The following MYNN variants were observed in gnomAD, a reference collection of about 807,000 sequenced individuals.
MYNN encodes the protein zinc finger and BTB domain-containing protein 31.
MYNN carries 22 observed loss-of-function variants against 57.2 expected under a neutral mutation model. The ratio of observed to expected loss-of-function variants is 0.38; its 90% confidence interval spans 0.27 to 0.55. The LOEUF is 0.55. MYNN is among the 20% of genes least tolerant of loss of function. MYNN has a pLI of 0.71. For synonymous variants in MYNN, 241 were observed against 257.1 expected, an observed-to-expected ratio of 0.94 and a Z score of 0.60; for missense variants, 566 against 723.1, an observed-to-expected ratio of 0.78 and a Z score of 2.49.
At position 169,778,748 on chromosome 3, in the gene MYNN, G is replaced by A; in HGVS notation, c.267-20G>A. On this transcript the variant is annotated intron_variant, in intron 2 of 7. Transcript: ENST00000349841. ...TTTTCTTTGATCAGAATATTGTCAT[G>A]TAGCCTTGTTTCCTTGCAGTTGGAA... The A allele has an allele frequency of 1.3e-6, 2 of 1,562,750 alleles. No homozygotes were observed.
chr3:169,783,540 A>C lies in MYNN; in HGVS notation c.1463A>C (p.Lys488Thr). ...TTTATTTCCTCAGGAGAGCTCAACA[A>C]ACACTTTCGGTCCCATACAGGTCTG... ...KSFISSGELN[K>T]HFRSHTGERP... is the part of the protein sequence containing the mutation. Residue 488 changes from lysine to threonine, a missense_variant, in exon 6 of 8, where the codon AAA becomes ACA. Coordinates refer to ENST00000349841, the MANE Select transcript of MYNN (RefSeq NM_018657.5). 6.2e-7 allele frequency: 1 copy of C among 1,611,146 alleles called. No homozygotes were observed. Among genetic ancestry groups the C allele is most frequent in the East Asian group, 2.2e-5 (1 of 44,706 alleles).
At position 169,788,828 on chromosome 3, in the gene MYNN, A is replaced by G. The variant is rs1778744305; in HGVS notation, c.*2150A>G. 6.6e-6 allele frequency: 1 copy of G among 152,168 alleles called. No homozygotes were observed. The highest frequency in any genetic ancestry group is 1.5e-5 in the Non-Finnish European group (1 of 68,016). 9.4% of individuals were successfully genotyped at this position (152,168 alleles called of 1,614,324 possible). On this transcript the variant is annotated 3_prime_UTR_variant, in exon 8 of 8. Transcript: ENST00000349841. ...TGATGTGTAGAGAAAACTTGAAGAT[A>G]CTATCCCTTCTTTGGCATTCTTCTC...
chr3:169,778,882 A>G lies in MYNN; in HGVS notation c.381A>G (p.Thr127=), dbSNP rs200829478. 4 of 1,613,394 alleles carry G rather than the reference A, an allele frequency of 2.5e-6. No individual in the cohort carries two copies. In the East Asian group the frequency reaches 8.9e-5, roughly 36 times the overall value. Reference sequence around the variant, plus strand: ...CTTTTATTGCTAATCCTTCTTCTACAGAGATATCTAGTATTACTGGAAACA... The same window carrying G: ...CTTTTATTGCTAATCCTTCTTCTACGGAGATATCTAGTATTACTGGAAACA... ...DFAFIANPSS[T]EISSITGNIE... is the part of the protein sequence containing the mutation. The change falls in exon 3 of 8, where the codon ACA becomes ACG. Residue 127 remains threonine (T), a synonymous_variant. Coordinates refer to ENST00000349841, the MANE Select transcript of MYNN (RefSeq NM_018657.5).
At chr3:169,781,963 G>A (rs1207758987) in intron 4 of MYNN, among the ~76,000 whole-genome samples, 2 of 152,086 alleles carry the variant, frequency 1.3e-5, no homozygotes, top group African/African-American at 2.4e-5. Context: ...TAATCCAATG[G>A]AGTGAGAAAC....
chr3:169,779,287 A>G lies in MYNN; in HGVS notation c.786A>G (p.Lys262=). The G allele has an allele frequency of 1.2e-6, 2 of 1,614,180 alleles. No homozygotes were observed. The highest frequency in any genetic ancestry group is 1.7e-6 in the Non-Finnish European group (2 of 1,180,034). The change falls in exon 3 of 8, where the codon AAA becomes AAG. Residue 262 remains lysine, a synonymous_variant. Transcript: ENST00000349841. ...HTVTVKRKRG[K]SQPNCALKEH... is the part of the protein sequence containing the mutation. ...TTACAGTGAAACGGAAACGTGGAAA[A>G]TCACAGCCAAACTGTGCTCTGAAAG...
chr3:169,774,909 G>T (rs1778286492), intron 2 of MYNN, among the ~76,000 whole-genome samples: 1 of 152,102 alleles, frequency 6.6e-6, no homozygotes, highest in Admixed American at 6.5e-5. Context: ...GGCAATCTCG[G>T]CTCACTGCAA....
intron 7 of MYNN, among the ~76,000 whole-genome samples, chr3:169,785,081 G>GGA (rs1778638021): frequency 7.0e-6 from 1 of 143,824 alleles, no homozygotes; most frequent in Admixed American, 7.0e-5. Context: ...GGGGGGGGGG[G>GGA]TGGTGTTATC....
intron 6 of MYNN, 93 bp downstream of exon 6, chr3:169,783,653 A>G (rs1297506836): frequency 2.6e-5 from 22 of 833,982 alleles, no homozygotes; most frequent in East Asian, 7.3e-5. Flanking sequence ...ACTATATGGT[A>G]TTTAGTCATA....
chr3:169,787,722 G>A lies in MYNN; in HGVS notation c.*1044G>A, dbSNP rs1284382049. ...TTATATCTGAGTTTTCTATAAGTTT[G>A]GGGTTTGTTAATTTTATAAATTAAA... On this transcript the variant is annotated 3_prime_UTR_variant, in exon 8 of 8. Coordinates refer to ENST00000349841, the MANE Select transcript of MYNN (RefSeq NM_018657.5). 2 of 152,006 alleles carry A rather than the reference G, an allele frequency of 1.3e-5. No individual in the cohort carries two copies. Among genetic ancestry groups the A allele is most frequent in the Non-Finnish European group, 2.9e-5 (2 of 67,938 alleles). The allele number at this position is 152,006 out of a possible 1,614,324, so 9.4% of individuals were successfully genotyped here. A position where few individuals can be genotyped will look rare whatever the true frequency, so the allele number is the denominator to read the frequency against.
Position 169,782,350 on chromosome 3 carries a change from A to G in MYNN, c.1221-115A>G, listed in dbSNP as rs1326271397. ...TGAAACAACTACTGATTTTAAATACATAGTCTTGGCCTGTTAAGATGACAT... is the reference window on the plus strand; with the variant it reads ...TGAAACAACTACTGATTTTAAATACGTAGTCTTGGCCTGTTAAGATGACAT... On this transcript the variant is annotated intron_variant, in intron 4 of 7. Coordinates refer to ENST00000349841, the MANE Select transcript of MYNN (RefSeq NM_018657.5). This position sits in a 1 kb window ranked among gnomAD's most constrained non-coding sequence, Gnocchi z 4.8. 1 of 728,982 alleles carries G rather than the reference A, an allele frequency of 1.4e-6. No homozygotes were observed. Among genetic ancestry groups the G allele is most frequent in the African/African-American group, 1.8e-5 (1 of 55,352 alleles). The allele number at this position is 728,982 out of a possible 1,614,324, so 45.2% of individuals were successfully genotyped here.
intron 7 of MYNN, among the ~76,000 whole-genome samples, chr3:169,784,926 A>AC (rs1778630007): frequency 6.6e-6 from 1 of 151,474 alleles, no homozygotes; most frequent in South Asian, 2.1e-4. Flanking sequence ...AAAAAAAAAA[A>AC]AAAACTTGAA....
chr3:169,782,716 CG>C lies in MYNN; in HGVS notation c.1399+74del. 8.2e-7 allele frequency: 1 copy of C among 1,215,754 alleles called. No individual in the cohort carries two copies. The highest frequency in any genetic ancestry group is 1.4e-5 in the South Asian group (1 of 69,730). The allele number at this position is 1,215,754 out of a possible 1,614,324, so 75.3% of individuals were successfully genotyped here. A position where few individuals can be genotyped will look rare whatever the true frequency, so the allele number is the denominator to read the frequency against. On this transcript the variant is annotated intron_variant, in intron 5 of 7. Coordinates refer to ENST00000349841, the MANE Select transcript of MYNN (RefSeq NM_018657.5). This position sits in a 1 kb window ranked among gnomAD's most constrained non-coding sequence, Gnocchi z 4.8. ...GAAAAAGGGGACTTGGGCCTTTTAG[CG>C]AAGTAGATCGGAAACTTTGTAGTTA...
rs755208529 is a variant in MYNN, at chr3:169,786,410, T to C, written c.1571-6T>C. The C allele has an allele frequency of 6.2e-7, 1 of 1,605,686 alleles. No homozygotes were observed. Among genetic ancestry groups the C allele is most frequent in the Non-Finnish European group, 8.5e-7 (1 of 1,174,560 alleles). On this transcript the variant is annotated splice_polypyrimidine_tract_variant and splice_region_variant and intron_variant, in intron 7 of 7. Coordinates refer to ENST00000349841, the MANE Select transcript of MYNN (RefSeq NM_018657.5). ...TAATGTAGATTTTTTTTTCCTTCCA[T>C]TCTAGGTGCAGATAAAACTCTAGAC...
Position 169,778,906 on chromosome 3 carries a change from C to G in MYNN, c.405C>G (p.Asn135Lys), listed in dbSNP as rs1206577944. The G allele has an allele frequency of 9.3e-6, 15 of 1,614,010 alleles. No homozygotes were observed. The highest frequency in any genetic ancestry group is 1.3e-5 in the Non-Finnish European group (15 of 1,179,984). The change falls in exon 3 of 8, where the codon AAC (asparagine) becomes AAG (lysine). Residue 135 changes from asparagine (N) to lysine (K), a missense_variant. Asn to Lys is a moderately conservative substitution (Grantham distance 94, BLOSUM62 0). Transcript: ENST00000349841. The stretch of plus-strand genomic sequence containing the variant: ...CAGAGATATCTAGTATTACTGGAAA[C>G]ATTGAATTGAATCAACAGACTTGTC... ...SSTEISSITG[N>K]IELNQQTCLL...
At position 169,780,587 on chromosome 3, in the gene MYNN, T is replaced by C; in HGVS notation, c.1061-3T>C. The C allele has an allele frequency of 6.3e-7, 1 of 1,585,016 alleles. No individual in the cohort carries two copies. Among genetic ancestry groups the C allele is most frequent in the Non-Finnish European group, 8.5e-7 (1 of 1,170,476 alleles). ...CTAAATATAAATTTTATTGTTCCTT[T>C]AGGTGAGAAGCCATACAAATGTGAA... On this transcript the variant is annotated splice_polypyrimidine_tract_variant and splice_region_variant and intron_variant, in intron 3 of 7. Coordinates refer to ENST00000349841, the MANE Select transcript of MYNN (RefSeq NM_018657.5).
intron 2 of MYNN, among the ~76,000 whole-genome samples, chr3:169,775,849 T>C (rs1441374715): frequency 1.3e-5 from 2 of 152,178 alleles, no homozygotes; most frequent in East Asian, 1.9e-4. Context: ...TTGTAACTTA[T>C]CATGGAAATA....
intron 1 of MYNN, among the ~76,000 whole-genome samples, chr3:169,773,750 G>A (rs1021263725): frequency 1.3e-5 from 2 of 152,198 alleles, no homozygotes; most frequent in African/African-American, 4.8e-5. Context: ...CCTCCTTAGC[G>A]CGAGTGATAG....
Position 169,786,533 on chromosome 3 carries a change from C to A in MYNN, c.1688C>A (p.Pro563Gln). 1 of 1,613,648 alleles carries A rather than the reference C, an allele frequency of 6.2e-7. No homozygotes were observed. The highest frequency in any genetic ancestry group is 8.5e-7 in the Non-Finnish European group (1 of 1,179,664). ...GTGAAGCCTTCTGATATGACTTTAC[C>A]ATTAGCTCTTCCACTTGGGACTGAG... The part of the protein sequence containing the change: ...MDVKPSDMTL[P>Q]LALPLGTEDH... The change falls in exon 8 of 8, where the codon CCA (proline) becomes CAA (glutamine). Residue 563 changes from proline to glutamine, a missense_variant. Coordinates refer to ENST00000349841, the MANE Select transcript of MYNN (RefSeq NM_018657.5).
At chr3:169,785,198 G>T (rs1222701055) in intron 7 of MYNN, among the ~76,000 whole-genome samples, 5 of 151,912 alleles carry the variant, frequency 3.3e-5, no homozygotes, top group South Asian at 4.2e-4. Context: ...TGAGTCTATT[G>T]GTTAAAGTGA....
Sources: gnomAD v4.1 joint callset for allele counts (sites outside exome capture counted in the v4.1 genomes callset) on GRCh38, gnomAD v4.1.1 for gene constraint, Gnocchi (gnomAD v3.1) non-coding constraint, MANE v1.5 for transcripts, NCBI Gene and HGNC (gene_info 2026-07-23, HGNC 2026-07-21) for gene names.